PTPRD: variants seen among roughly 807,000 people sequenced by gnomAD.
The protein encoded by PTPRD is protein tyrosine phosphatase receptor type D.
PTPRD carries 34 observed loss-of-function variants against 214.5 expected under a neutral mutation model. The ratio of observed to expected loss-of-function variants is 0.16; its 90% confidence interval spans 0.12 to 0.21. PTPRD has a LOEUF of 0.21. Ranked by LOEUF, PTPRD falls within the 10% of genes least tolerant of loss-of-function variation. The probability of loss-of-function intolerance (pLI) is 1.00; values close to 1 mark genes in which losing one functional copy is unlikely to be tolerated. For missense variants in PTPRD, 2,545 were observed against 2,398.7 expected (o/e 1.06, Z -1.27); for synonymous variants, 1,128 against 845.7 (o/e 1.33, Z -5.79).
rs374780085 is a variant in PTPRD, at chr9:10,259,855, G to A, written c.-545+81108C>T. ...CCAGGCAGAGAATCTACTGTGTGAC[G>A]TCACACTTTTGAAGATGGCCTCCTG... On this transcript the variant is annotated intron_variant, in intron 3 of 45. Transcript: ENST00000381196. Among the ~76,000 whole-genome samples, 12 of 152,176 alleles carry A rather than the reference G, an allele frequency of 7.9e-5. No individual in the cohort carries two copies. The South Asian group carries it at 2.3e-3, about 29-fold the overall frequency.
intron 3 of PTPRD, among the ~76,000 whole-genome samples, chr9:10,065,196 G>GAAAGAAAGAAA (rs2097855969): frequency 9.4e-5 from 2 of 21,284 alleles, no homozygotes; most frequent in Non-Finnish European, 2.1e-4. Flanking sequence ...AGAAAGAAAA[G>GAAAGAAAGAAA]GATGCTTTGC....
intron 34 of PTPRD, among the ~76,000 whole-genome samples, chr9:8,441,087 A>T (rs1051877381): frequency 3.9e-5 from 6 of 152,172 alleles, no homozygotes; most frequent in Non-Finnish European, 8.8e-5. Context: ...ATGACTGAAG[A>T]GGGCTAAGTA....
chr9:8,410,762 A>G (rs2093446029), intron 35 of PTPRD, among the ~76,000 whole-genome samples: 1 of 152,182 alleles, frequency 6.6e-6, no homozygotes, highest in Non-Finnish European at 1.5e-5. Context: ...CCTGTTGTCT[A>G]ATGGTTGCAT....
intron 3 of PTPRD, among the ~76,000 whole-genome samples, chr9:10,209,670 G>A (rs1047890011): frequency 2.6e-5 from 4 of 150,974 alleles, no homozygotes; most frequent in African/African-American, 2.4e-5. Flanking sequence ...TGGTACACAG[G>A]GCCTTTGATC....
chr9:9,301,496 G>T (rs1285557170), intron 9 of PTPRD, among the ~76,000 whole-genome samples: 1 of 103,324 alleles, frequency 9.7e-6, no homozygotes, highest in Non-Finnish European at 2.0e-5. Flanking sequence ...TCGTTACCTT[G>T]GGAAATTTTG....
At chr9:9,778,693 C>T (rs1030732476) in intron 5 of PTPRD, among the ~76,000 whole-genome samples, 8 of 152,106 alleles carry the variant, frequency 5.3e-5, no homozygotes, top group East Asian at 3.9e-4. Flanking sequence ...GAATGCTCTA[C>T]GTTCATACAC....
chr9:8,718,809 C>T (rs912646105), intron 12 of PTPRD, among the ~76,000 whole-genome samples: 23 of 152,186 alleles, frequency 1.5e-4, no homozygotes, highest in African/African-American at 5.1e-4. Context: ...TCTGAACCTT[C>T]TCATTCCCAC....
chr9:9,837,871 A>G (rs940281670), intron 5 of PTPRD, among the ~76,000 whole-genome samples: 1 of 152,028 alleles, frequency 6.6e-6, no homozygotes, highest in African/African-American at 2.4e-5. Context: ...GCACCCATTA[A>G]CTCGTCATTT....
intron 5 of PTPRD, among the ~76,000 whole-genome samples, chr9:9,846,595 A>G (rs2059574123): frequency 6.6e-6 from 1 of 152,166 alleles, no homozygotes; most frequent in African/African-American, 2.4e-5. Context: ...GAGTTACCAG[A>G]CGAGTTTGCA....
intron 2 of PTPRD, among the ~76,000 whole-genome samples, chr9:10,559,454 TTTTG>T (rs1590901015): frequency 6.6e-6 from 1 of 152,184 alleles, no homozygotes; most frequent in African/African-American, 2.4e-5. Flanking sequence ...TAAAATTATT[TTTTG>T]TTTTAGAAAT....
At chr9:8,650,290 G>T (rs1278678858) in intron 12 of PTPRD, among the ~76,000 whole-genome samples, 1 of 152,012 alleles carries the variant, frequency 6.6e-6, no homozygotes, top group Non-Finnish European at 1.5e-5. Context: ...AGCACTTTGG[G>T]AGGCTGAGGT....
chr9:9,381,561 T>C (rs945531177), intron 9 of PTPRD, among the ~76,000 whole-genome samples: 1 of 151,988 alleles, frequency 6.6e-6, no homozygotes, highest in Non-Finnish European at 1.5e-5. Context: ...GGTTTCACCA[T>C]GTTTCCCAGG....
chr9:8,868,362 CTA>C (rs2098235895), intron 11 of PTPRD, among the ~76,000 whole-genome samples: 1 of 152,108 alleles, frequency 6.6e-6, no homozygotes, highest in African/African-American at 2.4e-5. Flanking sequence ...CCACACCTAA[CTA>C]ATTTTTTTTT....
At chr9:10,035,744 C>G (rs1462938811) in intron 3 of PTPRD, among the ~76,000 whole-genome samples, 1 of 151,604 alleles carries the variant, frequency 6.6e-6, no homozygotes, top group Non-Finnish European at 1.5e-5. Context: ...TTATGGTGCC[C>G]AAATATGATA....
intron 9 of PTPRD, among the ~76,000 whole-genome samples, chr9:9,247,942 C>G (rs1294824635): frequency 6.6e-6 from 1 of 152,008 alleles, no homozygotes; most frequent in East Asian, 1.9e-4. Flanking sequence ...TTCAAATTAT[C>G]TATCTTTAAT....
chr9:8,989,881 T>G (rs1163065328), intron 11 of PTPRD, among the ~76,000 whole-genome samples: 2 of 152,158 alleles, frequency 1.3e-5, no homozygotes, highest in Non-Finnish European at 2.9e-5. Context: ...TGATTTAATC[T>G]TAAAATGAAA....
intron 3 of PTPRD, among the ~76,000 whole-genome samples, chr9:10,115,899 C>G (rs1297580082): frequency 6.6e-6 from 1 of 151,886 alleles, no homozygotes; most frequent in African/African-American, 2.4e-5. Context: ...TAAGTAAAAA[C>G]AAAATCTCTT....
At chr9:8,441,228 T>C (rs946650494) in intron 34 of PTPRD, among the ~76,000 whole-genome samples, 27 of 152,294 alleles carry the variant, frequency 1.8e-4, no homozygotes, top group African/African-American at 6.5e-4. Context: ...AATTCTTTAC[T>C]ATGTGAAAAA....
At chr9:8,844,490 A>G (rs10977319) in intron 11 of PTPRD, among the ~76,000 whole-genome samples, 18,688 of 152,220 alleles carry the variant, frequency 0.12, 1,397 homozygotes, top group East Asian at 0.28. Flanking sequence ...GGTTTCTATC[A>G]TTTTTAAAAG....
Sources: allele counts gnomAD v4.1 joint callset (sites outside exome capture counted in the v4.1 genomes callset), GRCh38; gene constraint gnomAD v4.1.1; transcripts MANE v1.5; gene names NCBI Gene and HGNC (gene_info 2026-07-23, HGNC 2026-07-21).